Variants in PCNX1 observed in about 807,000 individuals in gnomAD.
PCNX1 encodes pecanex 1, also known as pecanex-like protein 1.
In PCNX1, 78 loss-of-function variants were observed where a neutral mutation model predicts 242.2. That is an observed-to-expected ratio of 0.32 (90% CI 0.27 to 0.39). The LOEUF (loss-of-function observed/expected upper bound fraction) is 0.39. PCNX1 is among the 10% of genes least tolerant of loss of function. PCNX1 has a pLI of 1.00. For missense variants in PCNX1, 2,581 were observed against 2,856.5 expected, an observed-to-expected ratio of 0.90 and a Z score of 2.20; for synonymous variants, 1,024 against 1,032.9, an observed-to-expected ratio of 0.99 and a Z score of 0.17.
intron 30 of PCNX1, among the ~76,000 whole-genome samples, chr14:71,094,180 C>T (rs1052386443): frequency 1.3e-5 from 2 of 152,180 alleles, no homozygotes; most frequent in Non-Finnish European, 2.9e-5. Flanking sequence ...ACTCAAATGT[C>T]CGTTAGCAGA....
At chr14:70,951,045 T>G (rs188030463) in intron 2 of PCNX1, among the ~76,000 whole-genome samples, 1 of 152,248 alleles carries the variant, frequency 6.6e-6, no homozygotes, top group East Asian at 1.9e-4. Context: ...GTATCTACTT[T>G]CAGTATTTTT....
In PCNX1 at chr14:71,110,009, G is replaced by A. The variant is rs1290111129; in HGVS notation, c.*74G>A. ...CATTGGAAAAAGAGAGGAACAAGCAGAAGATGCCTGCAGGTATCACTTTGA... is the reference window on the plus strand; with the variant it reads ...CATTGGAAAAAGAGAGGAACAAGCAAAAGATGCCTGCAGGTATCACTTTGA... On this transcript the variant is annotated 3_prime_UTR_variant, in exon 36 of 36. Coordinates refer to ENST00000304743, the MANE Select transcript of PCNX1 (RefSeq NM_014982.3). 3 of 1,299,592 alleles carry A rather than the reference G, an allele frequency of 2.3e-6. No homozygotes were observed. Among genetic ancestry groups the A allele is most frequent in the South Asian group, 1.2e-5 (1 of 84,548 alleles). The allele number at this position is 1,299,592 out of a possible 1,614,324, so 80.5% of individuals were successfully genotyped here. A position where few individuals can be genotyped will look rare whatever the true frequency, so the allele number is the denominator to read the frequency against.
chr14:70,926,864 G>C (rs957364632), intron 1 of PCNX1, among the ~76,000 whole-genome samples: 2 of 152,178 alleles, frequency 1.3e-5, no homozygotes, highest in Non-Finnish European at 2.9e-5. Context: ...ATGAGGAAAA[G>C]AATGTCTGAA....
chr14:70,936,842 T>C (rs544755869), intron 1 of PCNX1, among the ~76,000 whole-genome samples: 1 of 152,362 alleles, frequency 6.6e-6, no homozygotes. Flanking sequence ...TGTGAGATGG[T>C]ATCTCATTGT....
chr14:71,079,690 G>A (rs533217547), intron 28 of PCNX1, among the ~76,000 whole-genome samples: 10 of 152,184 alleles, frequency 6.6e-5, no homozygotes, highest in East Asian at 5.8e-4. Flanking sequence ...TTTGAGAAGT[G>A]TCTGTTCATA....
intron 22 of PCNX1, 114 bp from the exon 23 acceptor site, chr14:71,050,538 A>G (rs1209654443): frequency 1.1e-6 from 1 of 875,374 alleles, no homozygotes; most frequent in Non-Finnish European, 1.7e-6. Context: ...TTTCAATGCC[A>G]TTTCCCTATT....
chr14:70,948,039 G>A (rs1365860214), intron 2 of PCNX1, among the ~76,000 whole-genome samples: 2 of 152,134 alleles, frequency 1.3e-5, no homozygotes, highest in African/African-American at 4.8e-5. Context: ...TAGGCAGACT[G>A]GTTCTCTGCT....
intron 8 of PCNX1, among the ~76,000 whole-genome samples, chr14:71,003,452 T>C (rs1473247625): frequency 6.6e-6 from 1 of 152,184 alleles, no homozygotes; most frequent in Non-Finnish European, 1.5e-5. Flanking sequence ...ATACAACTTA[T>C]TTGTCAGATA....
At chr14:71,044,211 T>C (rs564807014) in intron 19 of PCNX1, among the ~76,000 whole-genome samples, 1 of 152,260 alleles carries the variant, frequency 6.6e-6, no homozygotes, top group South Asian at 2.1e-4. Flanking sequence ...GTGCCAGTAG[T>C]GGCTGCAGTG....
At chr14:70,937,970 A>G (rs1311263105) in intron 1 of PCNX1, among the ~76,000 whole-genome samples, 1 of 152,206 alleles carries the variant, frequency 6.6e-6, no homozygotes, top group East Asian at 1.9e-4. Flanking sequence ...TGATTTTTGC[A>G]CATTGATTTT....
intron 2 of PCNX1, among the ~76,000 whole-genome samples, chr14:70,947,948 G>T (rs1321488658): frequency 1.3e-5 from 2 of 152,192 alleles, no homozygotes; most frequent in Non-Finnish European, 2.9e-5. Flanking sequence ...CGCAGTTGTG[G>T]ATAGGGGATG....
At chr14:70,945,389 A>G (rs1481052351) in intron 1 of PCNX1, among the ~76,000 whole-genome samples, 2 of 152,224 alleles carry the variant, frequency 1.3e-5, no homozygotes, top group South Asian at 2.1e-4. Context: ...GTAACATTTT[A>G]AGTTGGAATC....
At chr14:71,090,896 C>G (rs1299339033) in intron 30 of PCNX1, among the ~76,000 whole-genome samples, 5 of 152,244 alleles carry the variant, frequency 3.3e-5, no homozygotes, top group Admixed American at 3.3e-4. Context: ...TTACAGGACT[C>G]TCTTGCCTGT....
chr14:70,942,222 G>A (rs1372918609), intron 1 of PCNX1, among the ~76,000 whole-genome samples: 1 of 152,184 alleles, frequency 6.6e-6, no homozygotes, highest in Admixed American at 6.5e-5. Context: ...GCTGGGAGCT[G>A]TAGACTGGAG....
intron 26 of PCNX1, 115 bp from the exon 27 acceptor site, chr14:71,073,430 C>T: frequency 1.0e-6 from 1 of 999,474 alleles, no homozygotes; most frequent in Non-Finnish European, 1.5e-6. Flanking sequence ...AAATCCATCA[C>T]ATACTTTCAA....
At chr14:70,959,200 G>A (rs1295061027) in intron 2 of PCNX1, among the ~76,000 whole-genome samples, 1 of 146,680 alleles carries the variant, frequency 6.8e-6, no homozygotes, top group African/African-American at 2.5e-5. Flanking sequence ...TTTTTTCCCC[G>A]TAAATCTGGG....
At chr14:71,090,806 T>C (rs942561598) in intron 30 of PCNX1, among the ~76,000 whole-genome samples, 3 of 152,228 alleles carry the variant, frequency 2.0e-5, no homozygotes, top group Non-Finnish European at 4.4e-5. Context: ...TCACAGATAT[T>C]TTATCTCAGC....
At chr14:71,000,498 AT>A (rs2059471497) in intron 8 of PCNX1, among the ~76,000 whole-genome samples, 1 of 146,794 alleles carries the variant, frequency 6.8e-6, no homozygotes, top group South Asian at 2.1e-4. Context: ...CAGTCTGAAC[AT>A]TTACTCATGT....
chr14:70,919,731 C>A (rs953646961), intron 1 of PCNX1, among the ~76,000 whole-genome samples: 16 of 55,722 alleles, frequency 2.9e-4, no homozygotes, highest in South Asian at 8.6e-4. Flanking sequence ...CCCCCCCCCA[C>A]CAAATAGGAG....
Sources: allele counts gnomAD v4.1 joint callset (sites outside exome capture counted in the v4.1 genomes callset), GRCh38; gene constraint gnomAD v4.1.1; transcripts MANE v1.5; gene names NCBI Gene and HGNC (gene_info 2026-07-23, HGNC 2026-07-21).